The following IL17B variants were observed in gnomAD, a reference collection of about 807,000 sequenced individuals.
IL17B encodes interleukin 17B, also known as interleukin-17B.
In IL17B, 14 loss-of-function variants were observed where a neutral mutation model predicts 14.7. The ratio of observed to expected loss-of-function variants is 0.95; its 90% confidence interval spans 0.63 to 1.49. The LOEUF is 1.49. Ranked by LOEUF, IL17B falls within the 40% of genes most tolerant of loss-of-function variation. IL17B has a pLI of 0.00. For missense variants in IL17B, 233 were observed against 252.8 expected (o/e 0.92, Z 0.53); for synonymous variants, 105 against 94.8 (o/e 1.11, Z -0.62).
chr5:149,391,794 T>C (rs910534696), intron 1 of IL17B, among the ~76,000 whole-genome samples: 3 of 152,234 alleles, frequency 2.0e-5, no homozygotes, highest in African/African-American at 7.2e-5. Flanking sequence ...GGTGACTGAC[T>C]GGTGTGCATG....
chr5:149,402,720 C>T (rs1348992669), intron 1 of IL17B, among the ~76,000 whole-genome samples: 1 of 149,486 alleles, frequency 6.7e-6, no homozygotes, highest in Admixed American at 6.7e-5. Context: ...AACAAAAACT[C>T]GTGCCGGGCA....
intron 1 of IL17B, among the ~76,000 whole-genome samples, chr5:149,402,630 G>A (rs894654671): frequency 2.1e-5 from 3 of 146,052 alleles, no homozygotes; most frequent in East Asian, 2.0e-4. Context: ...ACACACATAC[G>A]TACACATCAT....
chr5:149,384,994 C>T (rs1405674731), intron 1 of IL17B, among the ~76,000 whole-genome samples: 6 of 150,946 alleles, frequency 4.0e-5, no homozygotes, highest in Non-Finnish European at 7.4e-5. Flanking sequence ...CTGCAGCCTC[C>T]GCCTCCCAGG....
chr5:149,390,587 GCACA>G (rs56268721), intron 1 of IL17B, among the ~76,000 whole-genome samples: 4,166 of 114,866 alleles, frequency 0.036, 106 homozygotes, highest in African/African-American at 0.082. Flanking sequence ...CCCTGAGTTA[GCACA>G]CACACACACA....
chr5:149,399,676 G>A (rs1218789432), intron 1 of IL17B, among the ~76,000 whole-genome samples: 1 of 152,128 alleles, frequency 6.6e-6, no homozygotes, highest in African/African-American at 2.4e-5. Flanking sequence ...AGGTGGGTTT[G>A]ATTAGCTGTG....
At chr5:149,403,002 CAAAAAAAA>C (rs36121550) in intron 1 of IL17B, among the ~76,000 whole-genome samples, 2 of 60,580 alleles carry the variant, frequency 3.3e-5, no homozygotes, top group African/African-American at 1.2e-4. Flanking sequence ...GACTCCATCT[CAAAAAAAA>C]AAAAAAAAAA....
Position 149,374,415 on chromosome 5 carries a change from C to A in IL17B, c.497G>T (p.Arg166Leu), listed in dbSNP as rs1052840455. ...CACAGCGATGGTCTCCATGACTGCG[C>A]GCTGGCGGCAAGGCCCTGTGCGGGG... is the stretch of plus-strand genomic sequence containing the variant. Reference protein sequence around the residue: ...PPPRTGPCRQRAVMETIAVGC... With the variant: ...PPPRTGPCRQLAVMETIAVGC... The change falls in exon 3 of 3, where the codon CGC (arginine) becomes CTC (leucine). Residue 166 changes from arginine to leucine, a missense_variant. Coordinates refer to ENST00000261796, the MANE Select transcript of IL17B (RefSeq NM_014443.3). This position sits in a 1 kb window ranked among gnomAD's most constrained non-coding sequence, Gnocchi z 5.0. 2 of 1,604,020 alleles carry A rather than the reference C, an allele frequency of 1.2e-6. No homozygotes were observed. Among genetic ancestry groups the A allele is most frequent in the Middle Eastern group, 1.7e-4 (1 of 6,050 alleles).
upstream of IL17B, among the ~76,000 whole-genome samples, chr5:149,382,146 G>C (rs543862721): frequency 7.2e-5 from 11 of 152,346 alleles, no homozygotes; most frequent in East Asian, 1.5e-3. Context: ...CTCCAAGAGC[G>C]GCCCGGGACT....
Position 149,377,175 on chromosome 5 carries a change from A to G in IL17B, c.22-150T>C, listed in dbSNP as rs1043176518. On this transcript the variant is annotated intron_variant, in intron 1 of 2. Transcript: ENST00000261796. ...CCATCCCCCAGCTCTCCCTCCTCAG[A>G]TTACCCCCTGTTTCCTCTCTCTTGT... is the stretch of plus-strand genomic sequence containing the variant. 11 of 631,750 alleles carry G rather than the reference A, an allele frequency of 1.7e-5. No homozygotes were observed. In the Admixed American group the frequency reaches 2.0e-4, roughly 11 times the overall value. 39.1% of individuals were successfully genotyped at this position (631,750 alleles called of 1,614,324 possible). A position where few individuals can be genotyped will look rare whatever the true frequency, so the allele number is the denominator to read the frequency against.
At chr5:149,390,873 A>G (rs56306992) in intron 1 of IL17B, among the ~76,000 whole-genome samples, 1 of 151,976 alleles carries the variant, frequency 6.6e-6, no homozygotes, top group Non-Finnish European at 1.5e-5. Flanking sequence ...TTAAATTAAA[A>G]TTTTTTTAAT....
intron 1 of IL17B, among the ~76,000 whole-genome samples, chr5:149,389,311 A>G (rs1312327995): frequency 3.3e-5 from 5 of 152,374 alleles, no homozygotes; most frequent in Admixed American, 1.3e-4. Context: ...TTTCATTACC[A>G]AGTCTTTGTG....
intron 1 of IL17B, among the ~76,000 whole-genome samples, chr5:149,402,208 G>GC (rs1454533376): frequency 6.6e-6 from 1 of 152,154 alleles, no homozygotes; most frequent in African/African-American, 2.4e-5. Flanking sequence ...CCGAGCAGGA[G>GC]CTAATCTTGG....
chr5:149,389,021 G>A (rs1026022812), intron 1 of IL17B, among the ~76,000 whole-genome samples: 4 of 152,230 alleles, frequency 2.6e-5, no homozygotes, highest in African/African-American at 9.6e-5. Context: ...CTAGTTCACA[G>A]GAAGAACTCA....
At chr5:149,382,027 G>C (rs929177904), upstream of IL17B, among the ~76,000 whole-genome samples, 14 of 152,310 alleles carry the variant, frequency 9.2e-5, 1 homozygote, top group African/African-American at 3.4e-4. Context: ...TCTGCAGCAG[G>C]CCCCGCCAGG....
chr5:149,393,410 G>A (rs1223389713), intron 1 of IL17B, among the ~76,000 whole-genome samples: 2 of 152,194 alleles, frequency 1.3e-5, no homozygotes, highest in African/African-American at 2.4e-5. Context: ...GAGGGTGGAC[G>A]TTCCCTGAAA....
intron 1 of IL17B, among the ~76,000 whole-genome samples, chr5:149,387,589 C>T (rs1342549785): frequency 1.3e-5 from 2 of 151,874 alleles, no homozygotes. Context: ...GGCAACATAG[C>T]GAGATCCTCG....
upstream of IL17B, among the ~76,000 whole-genome samples, chr5:149,383,283 T>C (rs980372184): frequency 6.6e-6 from 1 of 152,246 alleles, no homozygotes; most frequent in Admixed American, 6.5e-5. Flanking sequence ...CCTTCAAGAA[T>C]GCTTCTAGTA....
At chr5:149,391,386 CG>C (rs759732573) in intron 1 of IL17B, among the ~76,000 whole-genome samples, 20 of 152,202 alleles carry the variant, frequency 1.3e-4, no homozygotes, top group Non-Finnish European at 2.9e-4. Context: ...ACCTCAGCCA[CG>C]GGGGTGTCAC....
chr5:149,394,651 C>T (rs1261992962), intron 1 of IL17B, among the ~76,000 whole-genome samples: 1 of 152,192 alleles, frequency 6.6e-6, no homozygotes, highest in African/African-American at 2.4e-5. Context: ...TGGGCAATTA[C>T]ACAGAGGTAG....
Sources: allele counts gnomAD v4.1 joint callset (sites outside exome capture counted in the v4.1 genomes callset), GRCh38; gene constraint gnomAD v4.1.1; non-coding constraint Gnocchi (gnomAD v3.1); transcripts MANE v1.5; gene names NCBI Gene and HGNC (gene_info 2026-07-23, HGNC 2026-07-21).